Variants in RSRC1 observed in about 807,000 individuals in gnomAD.
RSRC1 encodes the protein arginine and serine rich coiled-coil 1.
RSRC1 carries 39 observed loss-of-function variants against 49.1 expected under a neutral mutation model. That is an observed-to-expected ratio of 0.79 (90% CI 0.61 to 1.04). The LOEUF (loss-of-function observed/expected upper bound fraction) is 1.04. RSRC1 is among the 50% of genes least tolerant of loss of function. The pLI is 0.00. For synonymous variants in RSRC1, 143 were observed against 130.8 expected (o/e 1.09, Z -0.63); for missense variants, 388 against 402.4 (o/e 0.96, Z 0.31).
At chr3:158,489,324 G>GT (rs1738967104) in intron 7 of RSRC1, among the ~76,000 whole-genome samples, 1 of 152,160 alleles carries the variant, frequency 6.6e-6, no homozygotes, top group African/African-American at 2.4e-5. Context: ...ATGCAAGCAG[G>GT]TTCTTCCAAG....
At chr3:158,351,025 T>C (rs1469638926) in intron 5 of RSRC1, among the ~76,000 whole-genome samples, 1 of 152,148 alleles carries the variant, frequency 6.6e-6, no homozygotes, top group Non-Finnish European at 1.5e-5. Context: ...TTAAAAAAAA[T>C]AACTATAGAT....
intron 4 of RSRC1, among the ~76,000 whole-genome samples, chr3:158,281,923 G>A (rs1318164680): frequency 1.3e-5 from 2 of 152,136 alleles, no homozygotes; most frequent in African/African-American, 4.8e-5. Flanking sequence ...CTGGTTCCAG[G>A]CCAAAATTCT....
chr3:158,362,626 C>T (rs765977833), intron 6 of RSRC1, among the ~76,000 whole-genome samples: 6 of 152,090 alleles, frequency 3.9e-5, no homozygotes, highest in African/African-American at 1.2e-4. Context: ...TTTAAGACAG[C>T]GCTTGACAGA....
At chr3:158,189,053 CTCATTGTGATT>C (rs1720079322) in intron 3 of RSRC1, among the ~76,000 whole-genome samples, 1 of 151,682 alleles carries the variant, frequency 6.6e-6, no homozygotes, top group African/African-American at 2.4e-5. Context: ...TTTAAAGATT[CTCATTGTGATT>C]TCTTCTTTCC....
intron 1 of RSRC1, among the ~76,000 whole-genome samples, chr3:158,120,076 G>A (rs1160931264): frequency 1.3e-5 from 2 of 152,048 alleles, no homozygotes; most frequent in Admixed American, 1.3e-4. Flanking sequence ...GGATCCGCCC[G>A]CCTCGGCCTC....
At chr3:158,325,550 A>T (rs899754794) in intron 5 of RSRC1, among the ~76,000 whole-genome samples, 3 of 152,026 alleles carry the variant, frequency 2.0e-5, no homozygotes, top group African/African-American at 7.2e-5. Flanking sequence ...GATGTATGGT[A>T]TTATTTCTGA....
At chr3:158,438,392 G>A (rs1407699336) in intron 6 of RSRC1, among the ~76,000 whole-genome samples, 1 of 152,086 alleles carries the variant, frequency 6.6e-6, no homozygotes, top group African/African-American at 2.4e-5. Flanking sequence ...CAAAGCTGGA[G>A]GTATCATGCT....
chr3:158,343,157 C>T (rs1401930752), intron 5 of RSRC1, among the ~76,000 whole-genome samples: 1 of 152,194 alleles, frequency 6.6e-6, no homozygotes, highest in Non-Finnish European at 1.5e-5. Context: ...ATAACTGGTA[C>T]TCACACACAG....
chr3:158,236,333 C>T (rs535357315), intron 4 of RSRC1, among the ~76,000 whole-genome samples: 20 of 152,118 alleles, frequency 1.3e-4, no homozygotes, highest in African/African-American at 3.6e-4. Flanking sequence ...AATAAAGGTA[C>T]GTCTTTATTG....
At chr3:158,490,972 C>T (rs1032205614) in intron 7 of RSRC1, among the ~76,000 whole-genome samples, 11 of 152,188 alleles carry the variant, frequency 7.2e-5, no homozygotes, top group Non-Finnish European at 1.5e-4. Context: ...AGACAAACTT[C>T]TCTAATAATT....
chr3:158,457,147 A>C (rs1162253242), intron 6 of RSRC1, among the ~76,000 whole-genome samples: 1 of 152,208 alleles, frequency 6.6e-6, no homozygotes, highest in Non-Finnish European at 1.5e-5. Flanking sequence ...AAGTACTCGT[A>C]TTAGAAGTAC....
chr3:158,497,114 T>C (rs1161307853), intron 7 of RSRC1, among the ~76,000 whole-genome samples: 1 of 152,152 alleles, frequency 6.6e-6, no homozygotes, highest in Non-Finnish European at 1.5e-5. Context: ...AGTTCAGTAG[T>C]GTTATGTATA....
intron 3 of RSRC1, among the ~76,000 whole-genome samples, chr3:158,175,955 T>G (rs900109872): frequency 6.6e-6 from 1 of 152,160 alleles, no homozygotes; most frequent in African/African-American, 2.4e-5. Flanking sequence ...GAGGTTCTCG[T>G]GCCATGGTTC....
chr3:158,335,542 A>C (rs1729836439), intron 5 of RSRC1, among the ~76,000 whole-genome samples: 1 of 152,238 alleles, frequency 6.6e-6, no homozygotes, highest in African/African-American at 2.4e-5. Context: ...GTATTTTTTA[A>C]GGTACAAACT....
At chr3:158,400,779 A>G (rs1278420197) in intron 6 of RSRC1, among the ~76,000 whole-genome samples, 1 of 152,044 alleles carries the variant, frequency 6.6e-6, no homozygotes, top group African/African-American at 2.4e-5. Flanking sequence ...TTTATAAAGT[A>G]AAAAAGTTAC....
At chr3:158,365,875 G>T (rs989235169) in intron 6 of RSRC1, among the ~76,000 whole-genome samples, 1 of 152,126 alleles carries the variant, frequency 6.6e-6, no homozygotes, top group Non-Finnish European at 1.5e-5. Flanking sequence ...TTGTGGTTTT[G>T]ATTTGCATTT....
intron 4 of RSRC1, among the ~76,000 whole-genome samples, chr3:158,262,472 A>T (rs1724957661): frequency 6.6e-6 from 1 of 152,174 alleles, no homozygotes; most frequent in Non-Finnish European, 1.5e-5. Flanking sequence ...GTTGTTTTAC[A>T]CTGAAGTACT....
At chr3:158,321,562 T>G (rs146129521) in intron 5 of RSRC1, among the ~76,000 whole-genome samples, 155 of 120,260 alleles carry the variant, frequency 1.3e-3, no homozygotes, top group African/African-American at 4.6e-3. Flanking sequence ...ATTTTTGTGT[T>G]TTTTTTTTTT....
intron 5 of RSRC1, among the ~76,000 whole-genome samples, chr3:158,322,561 A>G (rs571170965): frequency 5.0e-4 from 76 of 152,336 alleles, no homozygotes; most frequent in Admixed American, 3.0e-3. Flanking sequence ...TTTGACTACA[A>G]TGCATGTAAG....
Sources: allele counts gnomAD v4.1 joint callset (sites outside exome capture counted in the v4.1 genomes callset), GRCh38; gene constraint gnomAD v4.1.1; transcripts MANE v1.5; gene names NCBI Gene and HGNC (gene_info 2026-07-23, HGNC 2026-07-21).